MNAT1: variants seen among roughly 807,000 people sequenced by gnomAD.
The protein encoded by MNAT1 is CDK-activating kinase assembly factor MAT1.
In MNAT1, 43 loss-of-function variants were observed where a neutral mutation model predicts 42.0. The observed-to-expected ratio is 1.02, with a 90% CI of 0.80 to 1.32. MNAT1 has a LOEUF of 1.32. Among genes scored for constraint, MNAT1 ranks in the 40% most tolerant of loss-of-function variants. The pLI, the probability that MNAT1 is intolerant of heterozygous loss-of-function variation, is 0.00. For synonymous variants in MNAT1, 118 were observed against 120.0 expected (o/e 0.98, Z 0.11); for missense variants, 306 against 350.4 (o/e 0.87, Z 1.01).
chr14:60,784,430 C>T (rs138900944), intron 1 of MNAT1, among the ~76,000 whole-genome samples: 1,830 of 151,722 alleles, frequency 0.012, 142 homozygotes, highest in Admixed American at 0.11. Context: ...CCTCCTGCTG[C>T]GGCCTTCCAA....
intron 7 of MNAT1, among the ~76,000 whole-genome samples, chr14:60,912,681 C>G (rs898449435): frequency 2.0e-5 from 3 of 152,214 alleles, no homozygotes; most frequent in African/African-American, 7.2e-5. Flanking sequence ...GAGTTTCTGC[C>G]AAGAGATCAG....
intron 1 of MNAT1, among the ~76,000 whole-genome samples, chr14:60,745,181 G>A (rs1896578565): frequency 1.3e-5 from 2 of 152,190 alleles, no homozygotes; most frequent in South Asian, 4.1e-4. Flanking sequence ...GAAAGCTGAG[G>A]TATTTGTAGG....
chr14:60,925,869 A>T (rs1186148362), intron 7 of MNAT1, among the ~76,000 whole-genome samples: 2 of 152,214 alleles, frequency 1.3e-5, no homozygotes, highest in Non-Finnish European at 2.9e-5. Flanking sequence ...TTAAGTTCAC[A>T]TTTGGCAGAA....
chr14:60,855,956 C>T (rs1019690310), intron 6 of MNAT1, among the ~76,000 whole-genome samples: 14 of 152,178 alleles, frequency 9.2e-5, no homozygotes, highest in Non-Finnish European at 2.1e-4. Context: ...TCTCCTCAGG[C>T]CTCCCTATTC....
In MNAT1 at chr14:60,894,775, G is replaced by A. The variant is rs190246058; in HGVS notation, c.809+14940G>A. 1.6e-4 allele frequency among the ~76,000 whole-genome samples: 24 copies of A among 152,202 alleles called. 1 individual carries two copies. The highest frequency in any genetic ancestry group is 1.5e-3 in the South Asian group (7 of 4,818). On this transcript the variant is annotated intron_variant, in intron 7 of 7. Coordinates refer to ENST00000261245, the MANE Select transcript of MNAT1 (RefSeq NM_002431.4). Reference sequence around the variant, plus strand: ...TACAATTAGTTCCAAGATCCTAGAAGTAGACTTTTGTCTTTGTCCATAAAG... The same window carrying A: ...TACAATTAGTTCCAAGATCCTAGAAATAGACTTTTGTCTTTGTCCATAAAG...
chr14:60,839,630 C>A (rs1230548883), intron 6 of MNAT1, among the ~76,000 whole-genome samples: 1 of 152,224 alleles, frequency 6.6e-6, no homozygotes, highest in Non-Finnish European at 1.5e-5. Context: ...AAACCCAGAC[C>A]TAGGAGCTCC....
intron 6 of MNAT1, among the ~76,000 whole-genome samples, chr14:60,831,606 T>G (rs1232693020): frequency 1.3e-5 from 2 of 152,212 alleles, no homozygotes; most frequent in Non-Finnish European, 2.9e-5. Flanking sequence ...GTTCCAAGTC[T>G]TTGCTATTGT....
intron 6 of MNAT1, among the ~76,000 whole-genome samples, chr14:60,820,151 T>C (rs1236714939): frequency 6.6e-6 from 1 of 152,082 alleles, no homozygotes; most frequent in Admixed American, 6.6e-5. Flanking sequence ...GGGAGTTTAC[T>C]GGTAAAAGAC....
At chr14:60,812,882 T>C (rs1280463095) in intron 5 of MNAT1, among the ~76,000 whole-genome samples, 2 of 152,134 alleles carry the variant, frequency 1.3e-5, no homozygotes. Flanking sequence ...TCGCCATCTT[T>C]TAACCATCCC....
rs897502702 is a variant in MNAT1 at position 60,740,892 on chromosome 14, C to A, written c.89+5941C>A. Among the ~76,000 whole-genome samples the A allele has an allele frequency of 1.3e-5, 2 of 152,150 alleles. No individual in the cohort carries two copies. The highest frequency in any genetic ancestry group is 1.3e-4 in the Admixed American group (2 of 15,276). Reference sequence around the variant, plus strand: ...ACGTGGTACATATTACCATACCCATCTTGGTTGATAGCATTACCAGATCTT... The same window carrying A: ...ACGTGGTACATATTACCATACCCATATTGGTTGATAGCATTACCAGATCTT... On this transcript the variant is annotated intron_variant, in intron 1 of 7. Coordinates refer to ENST00000261245, the MANE Select transcript of MNAT1 (RefSeq NM_002431.4). This position sits in a 1 kb window ranked among gnomAD's most constrained non-coding sequence, Gnocchi z 4.1.
intron 1 of MNAT1, among the ~76,000 whole-genome samples, chr14:60,750,257 C>T (rs2030018619): frequency 6.6e-6 from 1 of 150,386 alleles, no homozygotes; most frequent in Non-Finnish European, 1.5e-5. Flanking sequence ...GACGGAATCT[C>T]GTTCTGTCGC....
At chr14:60,943,936 C>G (rs1429271586) in intron 7 of MNAT1, among the ~76,000 whole-genome samples, 1 of 152,094 alleles carries the variant, frequency 6.6e-6, no homozygotes, top group Non-Finnish European at 1.5e-5. Flanking sequence ...TCATAGAATT[C>G]TTAAGTGTTA....
intron 1 of MNAT1, among the ~76,000 whole-genome samples, chr14:60,760,668 A>T (rs1203739312): frequency 6.6e-6 from 1 of 152,238 alleles, no homozygotes; most frequent in African/African-American, 2.4e-5. Context: ...ATTGTTTGTA[A>T]GCACTTTATC....
intron 6 of MNAT1, among the ~76,000 whole-genome samples, chr14:60,851,655 A>G (rs1272001452): frequency 6.6e-6 from 1 of 152,122 alleles, no homozygotes; most frequent in Admixed American, 6.5e-5. Context: ...TCTAGGTTTT[A>G]AGCTCTGCAT....
At chr14:60,826,509 C>T (rs557328155) in intron 6 of MNAT1, among the ~76,000 whole-genome samples, 182 of 151,752 alleles carry the variant, frequency 1.2e-3, no homozygotes, top group African/African-American at 4.1e-3. Context: ...TCAGTAGAGA[C>T]GGGGTTTCAC....
At chr14:60,896,198 G>A (rs574783197) in intron 7 of MNAT1, among the ~76,000 whole-genome samples, 1 of 152,078 alleles carries the variant, frequency 6.6e-6, no homozygotes, top group Non-Finnish European at 1.5e-5. Context: ...TACTCTTCTG[G>A]TGTGCTCAAA....
chr14:60,747,266 G>A (rs562312308), intron 1 of MNAT1, among the ~76,000 whole-genome samples: 47 of 152,138 alleles, frequency 3.1e-4, no homozygotes, highest in African/African-American at 1.0e-3. Flanking sequence ...TTACAGGCGT[G>A]AGCCAATGCG....
chr14:60,820,567 GA>G (rs1428102268), intron 6 of MNAT1, among the ~76,000 whole-genome samples: 4 of 146,836 alleles, frequency 2.7e-5, no homozygotes, highest in African/African-American at 1.0e-4. Context: ...GCTGACTATA[GA>G]ATTTGAAAAT....
At chr14:60,755,885 A>G (rs928750252) in intron 1 of MNAT1, among the ~76,000 whole-genome samples, 1 of 152,166 alleles carries the variant, frequency 6.6e-6, no homozygotes, top group African/African-American at 2.4e-5. Flanking sequence ...GACATCTCTC[A>G]TTTTATGATT....
Sources: allele counts gnomAD v4.1 joint callset (sites outside exome capture counted in the v4.1 genomes callset), GRCh38; gene constraint gnomAD v4.1.1; non-coding constraint Gnocchi (gnomAD v3.1); transcripts MANE v1.5; gene names NCBI Gene and HGNC (gene_info 2026-07-23, HGNC 2026-07-21).